CSGALNACT2: variants seen among roughly 807,000 people sequenced by gnomAD.
CSGALNACT2 encodes beta 4 GalNAcT-2.
Under a neutral mutation model 55.3 loss-of-function variants are expected in CSGALNACT2, and 35 were observed. The observed-to-expected ratio is 0.63, with a 90% CI of 0.48 to 0.84. The LOEUF (loss-of-function observed/expected upper bound fraction) is 0.84. Ranked by LOEUF, CSGALNACT2 falls within the 40% of genes least tolerant of loss-of-function variation. The pLI, the probability that CSGALNACT2 is intolerant of heterozygous loss-of-function variation, is 0.00. For missense variants in CSGALNACT2, 544 were observed against 657.5 expected, an observed-to-expected ratio of 0.83 and a Z score of 1.89; for synonymous variants, 196 against 224.9, an observed-to-expected ratio of 0.87 and a Z score of 1.15.
At chr10:43,165,798 TG>T (rs1266937584) in intron 5 of CSGALNACT2, among the ~76,000 whole-genome samples, 1 of 152,154 alleles carries the variant, frequency 6.6e-6, no homozygotes. Flanking sequence ...GATACCAGCC[TG>T]GCCAACATGG....
intron 4 of CSGALNACT2, among the ~76,000 whole-genome samples, 153 bp downstream of exon 4, chr10:43,160,748 A>G (rs1050199834): frequency 2.0e-5 from 3 of 152,094 alleles, no homozygotes; most frequent in African/African-American, 7.2e-5. Context: ...TCCTCATTTC[A>G]CATGCAACCC....
chr10:43,152,907 G>T (rs1460280579), intron 1 of CSGALNACT2, among the ~76,000 whole-genome samples: 1 of 152,122 alleles, frequency 6.6e-6, no homozygotes, highest in Non-Finnish European at 1.5e-5. Context: ...GTTTTCTTAT[G>T]CTAGGGATTA....
chr10:43,149,275 C>T (rs184013863), intron 1 of CSGALNACT2, among the ~76,000 whole-genome samples: 1 of 152,022 alleles, frequency 6.6e-6, no homozygotes, highest in Non-Finnish European at 1.5e-5. Context: ...TTAGTAGAGG[C>T]GGGGTTTCAT....
chr10:43,139,168 C>T (rs973006586), intron 1 of CSGALNACT2, among the ~76,000 whole-genome samples: 2 of 152,174 alleles, frequency 1.3e-5, no homozygotes, highest in African/African-American at 2.4e-5. Context: ...TATTTTCTAG[C>T]GTGCTTTTGA....
In CSGALNACT2 at chr10:43,141,263, G is replaced by C. The variant is rs1166188939; in HGVS notation, c.-254+2696G>C. 3.3e-5 allele frequency among the ~76,000 whole-genome samples: 5 copies of C among 151,922 alleles called. No homozygotes were observed. In the East Asian group the frequency reaches 9.7e-4, roughly 29 times the overall value. On this transcript the variant is annotated intron_variant, in intron 1 of 7. Coordinates refer to ENST00000374466, the MANE Select transcript of CSGALNACT2 (RefSeq NM_018590.5). ...GACGGAGTCTGGCTCTGTTGCCCAGGCTGGAGTGCAGTGGCGCCATCTCGG... is the reference window on the plus strand; with the variant it reads ...GACGGAGTCTGGCTCTGTTGCCCAGCCTGGAGTGCAGTGGCGCCATCTCGG...
At chr10:43,167,889 AAAAT>A (rs1488298323) in intron 6 of CSGALNACT2, among the ~76,000 whole-genome samples, 1 of 152,150 alleles carries the variant, frequency 6.6e-6, no homozygotes, top group East Asian at 1.9e-4. Context: ...AAAAAAATGA[AAAAT>A]AACTTCAAGG....
chr10:43,165,241 A>G (rs973990073), intron 5 of CSGALNACT2, among the ~76,000 whole-genome samples: 1 of 152,134 alleles, frequency 6.6e-6, no homozygotes, highest in African/African-American at 2.4e-5. Flanking sequence ...AAAAAGTATT[A>G]AAGAATCTCA....
At chr10:43,158,156 A>ATATG (rs1564514174) in intron 2 of CSGALNACT2, among the ~76,000 whole-genome samples, 1 of 148,878 alleles carries the variant, frequency 6.7e-6, no homozygotes. Context: ...CAGTGATTTT[A>ATATG]TATGTATGTA....
intron 7 of CSGALNACT2, among the ~76,000 whole-genome samples, chr10:43,178,714 G>A (rs117615818): frequency 0.023 from 3,503 of 149,494 alleles, 54 homozygotes; most frequent in Non-Finnish European, 0.036. Context: ...ATTTTTTATC[G>A]TTTTTTTCCC....
At chr10:43,154,177 T>TATTAC (rs1432064682) in intron 1 of CSGALNACT2, among the ~76,000 whole-genome samples, 2 of 152,220 alleles carry the variant, frequency 1.3e-5, no homozygotes, top group African/African-American at 4.8e-5. Flanking sequence ...AGTAAACCGT[T>TATTAC]ATTACTGTAA....
Position 43,183,678 on chromosome 10 carries a change from A to C in CSGALNACT2, c.*136A>C. ...TGTTCTTTCTGACATTACTTTAGCA[A>C]TTCAACTTGATGTGAGAAGAAAAAA... On this transcript the variant is annotated 3_prime_UTR_variant, in exon 8 of 8. Coordinates refer to ENST00000374466, the MANE Select transcript of CSGALNACT2 (RefSeq NM_018590.5). 1.5e-6 allele frequency: 1 copy of C among 687,676 alleles called. No individual in the cohort carries two copies. Among genetic ancestry groups the C allele is most frequent in the Non-Finnish European group, 2.5e-6 (1 of 407,468 alleles). 42.6% of individuals were successfully genotyped at this position (687,676 alleles called of 1,614,324 possible).
chr10:43,162,280 A>G lies in CSGALNACT2; in HGVS notation c.981-1586A>G, dbSNP rs374529191. 3.3e-3 allele frequency: 1,895 copies of G among 581,090 alleles called. 41 individuals carry two copies. Among genetic ancestry groups the G allele is most frequent in the South Asian group, 0.025 (1,841 of 72,704 alleles). The allele number at this position is 581,090 out of a possible 1,614,324, so 36.0% of individuals were successfully genotyped here. On this transcript the variant is annotated intron_variant, in intron 4 of 7. Transcript: ENST00000374466. Reference sequence around the variant, plus strand: ...CTTCTCAGCTTTGCCATCAGAGAGGAAAGAGCTTTCTCCCAGCTCCAGTTG... The same window carrying G: ...CTTCTCAGCTTTGCCATCAGAGAGGGAAGAGCTTTCTCCCAGCTCCAGTTG...
At chr10:43,143,497 G>A (rs1020702232) in intron 1 of CSGALNACT2, among the ~76,000 whole-genome samples, 5 of 91,046 alleles carry the variant, frequency 5.5e-5, no homozygotes, top group African/African-American at 2.5e-4. Context: ...CCAAAAATGT[G>A]TGTGTGTGTG....
chr10:43,173,954 C>T (rs1839430916), intron 6 of CSGALNACT2, among the ~76,000 whole-genome samples: 1 of 152,188 alleles, frequency 6.6e-6, no homozygotes, highest in Admixed American at 6.5e-5. Context: ...GATTGTGCCA[C>T]TGCCGTCCAG....
intron 4 of CSGALNACT2, chr10:43,162,489 TG>T (rs1182051968): frequency 1.0e-6 from 1 of 985,226 alleles, no homozygotes; most frequent in African/African-American, 1.7e-5. Flanking sequence ...GCTGAGTATG[TG>T]GGGTGGCAAT....
chr10:43,148,854 A>G (rs1028892714), intron 1 of CSGALNACT2, among the ~76,000 whole-genome samples: 5 of 152,160 alleles, frequency 3.3e-5, no homozygotes, highest in Non-Finnish European at 7.3e-5. Context: ...CTTCCTTTTC[A>G]ATCTGGATGC....
Position 43,184,882 on chromosome 10 carries a change from T to C in CSGALNACT2, c.*1340T>C, listed in dbSNP as rs1839666111. The C allele has an allele frequency of 6.6e-6, 1 of 152,182 alleles. No individual in the cohort carries two copies. Among genetic ancestry groups the C allele is most frequent in the Non-Finnish European group, 1.5e-5 (1 of 68,018 alleles). 9.4% of individuals were successfully genotyped at this position (152,182 alleles called of 1,614,324 possible). ...GAAAAATCATTACTCTTTTTCTCAG[T>C]AAATCATATCATCTGAAATATTACA... On this transcript the variant is annotated 3_prime_UTR_variant, in exon 8 of 8. Coordinates refer to ENST00000374466, the MANE Select transcript of CSGALNACT2 (RefSeq NM_018590.5).
At chr10:43,141,887 GTTTC>G (rs1157164154) in intron 1 of CSGALNACT2, among the ~76,000 whole-genome samples, 1 of 152,154 alleles carries the variant, frequency 6.6e-6, no homozygotes, top group Non-Finnish European at 1.5e-5. Context: ...TCTCTGGTCT[GTTTC>G]TTTGTCTGTA....
At chr10:43,156,636 G>C (rs1253702605) in intron 2 of CSGALNACT2, among the ~76,000 whole-genome samples, 3 of 152,278 alleles carry the variant, frequency 2.0e-5, no homozygotes, top group Non-Finnish European at 4.4e-5. Flanking sequence ...ATGGGATGGT[G>C]AGGATGGTTT....
Sources: gnomAD v4.1 joint callset for allele counts (sites outside exome capture counted in the v4.1 genomes callset) on GRCh38, gnomAD v4.1.1 for gene constraint, MANE v1.5 for transcripts, NCBI Gene and HGNC (gene_info 2026-07-23, HGNC 2026-07-21) for gene names.